Variants in AFP observed in about 807,000 individuals in gnomAD.
AFP encodes alpha-fetoprotein.
A neutral mutation model predicts 78.9 loss-of-function variants in AFP; 64 were observed. That is an observed-to-expected ratio of 0.81 (90% confidence interval 0.66 to 1.00). The LOEUF (loss-of-function observed/expected upper bound fraction) is 1.00, where lower values mean the gene tolerates loss of function less well. Among genes scored for constraint, AFP ranks in the 50% least tolerant of loss-of-function variants. The pLI, the probability that AFP is intolerant of heterozygous loss-of-function variation, is 0.00. For synonymous variants in AFP, 254 were observed against 243.8 expected (o/e 1.04, Z -0.39); for missense variants, 689 against 703.8 (o/e 0.98, Z 0.24).
chr4:73,443,329 T>C lies in AFP; in HGVS notation c.616-18T>C, dbSNP rs1719725168. 6.3e-7 allele frequency: 1 copy of C among 1,577,952 alleles called. No individual in the cohort carries two copies. Among genetic ancestry groups the C allele is most frequent in the South Asian group, 1.1e-5 (1 of 90,326 alleles). On this transcript the variant is annotated intron_variant, in intron 5 of 14. Coordinates refer to ENST00000395792, the MANE Select transcript of AFP (RefSeq NM_001134.3). ...GTTAGTATATGCTTTCATGACATTT[T>C]GTTTCCTCTACATCTAGGCAGCAAC... is the stretch of plus-strand genomic sequence containing the variant.
Position 73,455,665 on chromosome 4 carries a change from G to A in AFP, c.*45G>A, listed in dbSNP as rs1037042738. 1.4e-5 allele frequency: 10 copies of A among 696,986 alleles called. No individual in the cohort carries two copies. Among genetic ancestry groups the A allele is most frequent in the Non-Finnish European group, 2.6e-5 (10 of 383,440 alleles). The allele number at this position is 696,986 out of a possible 1,614,324, so 43.2% of individuals were successfully genotyped here. On this transcript the variant is annotated 3_prime_UTR_variant, in exon 15 of 15. Transcript: ENST00000395792. ...AGACAAAACGAGTCTTTCATTCGGT[G>A]TGAACTTTTCTCTTTAATTTTAACT...
rs776953401 is a variant in AFP, at chr4:73,436,300, T to A, written c.38T>A (p.Leu13Gln). The A allele has an allele frequency of 6.2e-7, 1 of 1,604,632 alleles. No individual in the cohort carries two copies. Among genetic ancestry groups the A allele is most frequent in the African/African-American group, 1.3e-5 (1 of 74,702 alleles). The part of the protein sequence containing the change: ...WVESIFLIFL[L>Q]NFTESRTLHR... Reference sequence around the variant, plus strand: ...GAATCAATTTTTTTAATTTTCCTACTAAATTTTACTGAATCCAGAACACTG... The same window carrying A: ...GAATCAATTTTTTTAATTTTCCTACAAAATTTTACTGAATCCAGAACACTG... Residue 13 changes from leucine to glutamine, a missense_variant, in exon 1 of 15, where the codon CTA (leucine) becomes CAA (glutamine). By Grantham distance (113) the Leu-to-Gln change is moderately radical. Coordinates refer to ENST00000395792, the MANE Select transcript of AFP (RefSeq NM_001134.3).
In AFP at chr4:73,440,608, G is replaced by A. The variant is rs1719630376; in HGVS notation, c.277G>A (p.Ala93Thr). 2.5e-6 allele frequency: 4 copies of A among 1,613,300 alleles called. No individual in the cohort carries two copies. The highest frequency in any genetic ancestry group is 3.4e-6 in the Non-Finnish European group (4 of 1,179,360). The change falls in exon 4 of 15, where the codon GCC becomes ACC. Residue 93 changes from alanine to threonine, a missense_variant. Physicochemically the swap from Ala to Thr is moderately conservative, Grantham distance 58. Transcript: ENST00000395792. The stretch of plus-strand genomic sequence containing the variant: ...CATAAAATATTTCTTATAGCTACCT[G>A]CCTTTCTGGAAGAACTTTGCCATGA... The part of the protein sequence containing the change: ...SSGCLENQLP[A>T]FLEELCHEKE...
chr4:73,438,027 C>G, intron 2 of AFP, 147 bp from the exon 3 acceptor site: 1 of 1,169,118 alleles, frequency 8.6e-7, no homozygotes, highest in African/African-American at 1.6e-5. Context: ...GACCTGGAAG[C>G]TAATTTTACA....
At chr4:73,446,244 A>G (rs1380057548) in intron 7 of AFP, among the ~76,000 whole-genome samples, 5 of 152,210 alleles carry the variant, frequency 3.3e-5, no homozygotes, top group Non-Finnish European at 5.9e-5. Flanking sequence ...AGGAAAACCA[A>G]CAAGAAGTAT....
At chr4:73,451,569 G>C in intron 11 of AFP, among the ~76,000 whole-genome samples, 1 of 152,172 alleles carries the variant, frequency 6.6e-6, no homozygotes, top group Non-Finnish European at 1.5e-5. Context: ...AGGCTGCAGG[G>C]ATGCAGGATG....
Position 73,450,779 on chromosome 4 carries a change from A to T in AFP, c.1428+26A>T, listed in dbSNP as rs963915926. 3.7e-6 allele frequency: 6 copies of T among 1,613,468 alleles called. No individual in the cohort carries two copies. The Admixed American group carries it at 6.7e-5, about 18-fold the overall frequency. On this transcript the variant is annotated intron_variant, in intron 11 of 14. Transcript: ENST00000395792. The stretch of plus-strand genomic sequence containing the variant: ...GTGAGTGTCTGCTTGGTTTGGTCCC[A>T]TCTCATTTCTGCCCTGTTTGACTTG...
chr4:73,443,677 T>C (rs552790545), intron 6 of AFP, among the ~76,000 whole-genome samples: 46 of 152,302 alleles, frequency 3.0e-4, no homozygotes, highest in Non-Finnish European at 5.7e-4. Flanking sequence ...AGAAAAGACT[T>C]TTAAAGTTTA....
At chr4:73,443,518 T>A in intron 6 of AFP, 74 bp downstream of exon 6, 1 of 1,153,986 alleles carries the variant, frequency 8.7e-7, no homozygotes, top group Non-Finnish European at 1.3e-6. Flanking sequence ...GTTCGTTTTT[T>A]TAATTGTTGC....
intron 9 of AFP, 127 bp downstream of exon 9, chr4:73,449,594 T>C (rs1001358272): frequency 8.6e-7 from 1 of 1,164,500 alleles, no homozygotes; most frequent in East Asian, 2.4e-5. Context: ...TTTGTCTAGA[T>C]ATTAAGCTGT....
At chr4:73,451,784 C>G (rs542959598) in intron 11 of AFP, among the ~76,000 whole-genome samples, 16 of 152,302 alleles carry the variant, frequency 1.1e-4, no homozygotes, top group Middle Eastern at 3.4e-3. Flanking sequence ...TCACACAGCA[C>G]TAGTCTGACA....
chr4:73,453,632 T>C lies in AFP; in HGVS notation c.1653-133T>C, dbSNP rs1027789995. The stretch of plus-strand genomic sequence containing the variant: ...TTTCTACTGAAAGTACTAGACAAGG[T>C]GTGTGTGGTCAGTCTGGTGATAGGT... On this transcript the variant is annotated intron_variant, in intron 12 of 14. Transcript: ENST00000395792. 1.7e-5 allele frequency: 16 copies of C among 954,952 alleles called. No individual in the cohort carries two copies. In the African/African-American group the frequency reaches 1.8e-4, roughly 11 times the overall value. The allele number at this position is 954,952 out of a possible 1,614,324, so 59.2% of individuals were successfully genotyped here. A position where few individuals can be genotyped will look rare whatever the true frequency, so the allele number is the denominator to read the frequency against.
intron 14 of AFP, 97 bp downstream of exon 14, chr4:73,455,387 T>C (rs1720128355): frequency 9.9e-7 from 1 of 1,013,244 alleles, no homozygotes; most frequent in Non-Finnish European, 1.5e-6. Flanking sequence ...TTAATTCTCT[T>C]AAAAATACAT....
At chr4:73,441,741 A>G (rs559154807) in intron 4 of AFP, among the ~76,000 whole-genome samples, 9 of 152,170 alleles carry the variant, frequency 5.9e-5, no homozygotes, top group Non-Finnish European at 8.8e-5. Context: ...CAACTGGCTA[A>G]GGGCACACAG....
chr4:73,453,001 A>G (rs1040203094), intron 12 of AFP, among the ~76,000 whole-genome samples: 13 of 152,128 alleles, frequency 8.5e-5, no homozygotes, highest in African/African-American at 2.9e-4. Flanking sequence ...TTTTTACACT[A>G]TTTACACTTT....
intron 8 of AFP, 32 bp downstream of exon 8, chr4:73,447,708 A>T: frequency 6.6e-7 from 1 of 1,525,076 alleles, no homozygotes; most frequent in Non-Finnish European, 9.1e-7. Flanking sequence ...TGTTCATGCA[A>T]GTAAAAATGA....
In AFP at chr4:73,438,218, A is replaced by C. The variant is rs770499754; in HGVS notation, c.182A>C (p.Lys61Thr). The C allele has an allele frequency of 6.2e-7, 1 of 1,613,494 alleles. No individual in the cohort carries two copies. Among genetic ancestry groups the C allele is most frequent in the Non-Finnish European group, 8.5e-7 (1 of 1,179,532 alleles). ...FAQFVQEATY[K>T]EVSKMVKDAL... ...CAGTTTGTTCAAGAAGCCACTTACA[A>C]GGAAGTAAGCAAAATGGTGAAAGAT... The change falls in exon 3 of 15, where the codon AAG (lysine) becomes ACG (threonine). Residue 61 changes from lysine (K) to threonine (T), a missense_variant. Physicochemically the swap from Lys to Thr is moderately conservative, Grantham distance 78. Coordinates refer to ENST00000395792, the MANE Select transcript of AFP (RefSeq NM_001134.3).
At chr4:73,447,769 T>A in intron 8 of AFP, 93 bp downstream of exon 8, 1 of 1,076,994 alleles carries the variant, frequency 9.3e-7, no homozygotes, top group Non-Finnish European at 1.4e-6. Context: ...ATGATTATGG[T>A]TTTTGAGTTC....
intron 11 of AFP, 81 bp from the exon 12 acceptor site, chr4:73,452,320 G>A: frequency 9.2e-7 from 1 of 1,089,724 alleles, no homozygotes; most frequent in Non-Finnish European, 1.4e-6. Flanking sequence ...AGAAATTATT[G>A]CAGCAGTTTT....
Sources: allele counts gnomAD v4.1 joint callset (sites outside exome capture counted in the v4.1 genomes callset), GRCh38; gene constraint gnomAD v4.1.1; transcripts MANE v1.5; gene names NCBI Gene and HGNC (gene_info 2026-07-23, HGNC 2026-07-21).